The following ME1 variants were observed in gnomAD, a reference collection of about 807,000 sequenced individuals.
ME1 encodes NADP-dependent malic enzyme.
ME1 carries 74 observed loss-of-function variants against 66.4 expected under a neutral mutation model. The ratio of observed to expected loss-of-function variants is 1.11; its 90% CI spans 0.92 to 1.35. The LOEUF is 1.35. Ranked by LOEUF, ME1 falls within the 40% of genes most tolerant of loss-of-function variation. The pLI is 0.00. For missense variants in ME1, 750 were observed against 694.1 expected (o/e 1.08, Z -0.90); for synonymous variants, 251 against 235.6 (o/e 1.07, Z -0.60).
intron 2 of ME1, among the ~76,000 whole-genome samples, chr6:83,402,298 T>C (rs1044677313): frequency 6.6e-6 from 1 of 152,122 alleles, no homozygotes; most frequent in African/African-American, 2.4e-5. Context: ...CCAGGATTCA[T>C]AGGTCTAGGA....
At chr6:83,231,941 T>C (rs995519315) in intron 9 of ME1, among the ~76,000 whole-genome samples, 1 of 152,208 alleles carries the variant, frequency 6.6e-6, no homozygotes, top group African/African-American at 2.4e-5. Flanking sequence ...TCCCTTTATA[T>C]TGTGATGATT....
rs200892092 is a variant in ME1, at chr6:83,430,945, C to T, written c.10G>A (p.Glu4Lys). Reference sequence around the variant, plus strand: ...TGGGTGTGGCGGCGACGGGGGGCTTCGGGCTCCATGGCTGGCGCCGGGTTC... The same window carrying T: ...TGGGTGTGGCGGCGACGGGGGGCTTTGGGCTCCATGGCTGGCGCCGGGTTC... MEP[E>K]APRRRHTHQR... The change falls in exon 1 of 14, where the codon GAA becomes AAA. Residue 4 changes from glutamate (E) to lysine (K), a missense_variant. Transcript: ENST00000369705. 1.3e-6 allele frequency: 2 copies of T among 1,581,164 alleles called. No individual in the cohort carries two copies. The highest frequency in any genetic ancestry group is 1.7e-6 in the Non-Finnish European group (2 of 1,165,634).
At chr6:83,355,481 ATC>A (rs1213427771) in intron 3 of ME1, among the ~76,000 whole-genome samples, 1 of 152,202 alleles carries the variant, frequency 6.6e-6, no homozygotes, top group Non-Finnish European at 1.5e-5. Flanking sequence ...TGTTTATTAT[ATC>A]TGAGTTCAGC....
chr6:83,311,265 C>A (rs543700818), intron 6 of ME1, among the ~76,000 whole-genome samples: 6 of 152,160 alleles, frequency 3.9e-5, no homozygotes, highest in East Asian at 1.9e-4. Flanking sequence ...TTGTATTAGC[C>A]AGGAGAATAC....
chr6:83,301,198 TA>T (rs201835684), intron 6 of ME1, among the ~76,000 whole-genome samples: 5,881 of 151,092 alleles, frequency 0.039, 379 homozygotes, highest in African/African-American at 0.13. Context: ...AGTATAATAA[TA>T]AAAAAAAAGT....
rs74365360 is a variant in ME1, at chr6:83,258,003, G to A, written c.705-4265C>T. Among the ~76,000 whole-genome samples the A allele has an allele frequency of 4.1e-3, 619 of 152,160 alleles. 1 individual carries two copies. The highest frequency in any genetic ancestry group is 7.0e-3 in the Non-Finnish European group (475 of 67,996). On this transcript the variant is annotated intron_variant, in intron 6 of 13. Transcript: ENST00000369705. The stretch of plus-strand genomic sequence containing the variant: ...TCAGAGCCTTCTCAATTCTATTCCC[G>A]GATCTACTACTTACTTGGTTCTGCG...
chr6:83,252,695 G>C (rs767819376), intron 7 of ME1, among the ~76,000 whole-genome samples: 1 of 152,066 alleles, frequency 6.6e-6, no homozygotes, highest in Admixed American at 6.6e-5. Flanking sequence ...ATATACCTAA[G>C]AACATACAGC....
At chr6:83,231,559 A>G (rs1790307184) in intron 9 of ME1, among the ~76,000 whole-genome samples, 1 of 152,244 alleles carries the variant, frequency 6.6e-6, no homozygotes, top group South Asian at 2.1e-4. Context: ...CTGGAATGTG[A>G]CAACCTTTTC....
At chr6:83,248,507 T>C (rs1790662646) in intron 7 of ME1, among the ~76,000 whole-genome samples, 1 of 152,106 alleles carries the variant, frequency 6.6e-6, no homozygotes, top group South Asian at 2.1e-4. Flanking sequence ...TAGCTCTGTG[T>C]CCCCACCCAA....
intron 3 of ME1, among the ~76,000 whole-genome samples, chr6:83,378,515 T>C (rs1769337005): frequency 6.6e-6 from 1 of 152,172 alleles, no homozygotes; most frequent in Admixed American, 6.6e-5. Context: ...AAGTTACATA[T>C]GCCTGTAAAT....
intron 6 of ME1, among the ~76,000 whole-genome samples, chr6:83,272,885 G>A (rs1767110645): frequency 6.6e-6 from 1 of 152,002 alleles, no homozygotes; most frequent in South Asian, 2.1e-4. Flanking sequence ...TTAGAATATA[G>A]GCAAAAGGGC....
At chr6:83,312,794 C>T (rs1767955644) in intron 6 of ME1, among the ~76,000 whole-genome samples, 1 of 151,956 alleles carries the variant, frequency 6.6e-6, no homozygotes, top group Admixed American at 6.6e-5. Flanking sequence ...GCTCTGTTGC[C>T]CAGGCTGGAG....
intron 3 of ME1, among the ~76,000 whole-genome samples, chr6:83,372,665 G>A (rs1024456792): frequency 6.6e-5 from 10 of 152,156 alleles, no homozygotes; most frequent in African/African-American, 1.2e-4. Flanking sequence ...GCCTGCTAAC[G>A]TGTGCTTTAT....
chr6:83,395,802 G>A (rs1201843209), intron 3 of ME1, among the ~76,000 whole-genome samples: 1 of 150,626 alleles, frequency 6.6e-6, no homozygotes, highest in African/African-American at 2.4e-5. Flanking sequence ...GAAATCTAGA[G>A]ACTGGAAGTC....
chr6:83,371,457 T>C (rs1489456410), intron 3 of ME1, among the ~76,000 whole-genome samples: 1 of 152,210 alleles, frequency 6.6e-6, no homozygotes, highest in African/African-American at 2.4e-5. Context: ...TGCTGAAAAC[T>C]GTAGGAATAG....
At chr6:83,212,216 T>C (rs1463809213) in intron 13 of ME1, 122 bp from the exon 14 acceptor site, 1 of 582,658 alleles carries the variant, frequency 1.7e-6, no homozygotes, top group African/African-American at 1.9e-5. Flanking sequence ...ACATTAAGTG[T>C]ATTATAATAA....
intron 6 of ME1, among the ~76,000 whole-genome samples, chr6:83,280,738 GT>G (rs10718658): frequency 0.071 from 10,780 of 152,188 alleles, 464 homozygotes; most frequent in Admixed American, 0.098. Context: ...GTGGAAATGT[GT>G]CAGAATTTTA....
intron 1 of ME1, among the ~76,000 whole-genome samples, chr6:83,423,532 C>T (rs1288000381): frequency 9.2e-5 from 14 of 152,118 alleles, no homozygotes; most frequent in Non-Finnish European, 2.1e-4. Flanking sequence ...GGCACAGTGG[C>T]TCAAATCTGT....
At chr6:83,303,202 A>C (rs1252634266) in intron 6 of ME1, among the ~76,000 whole-genome samples, 4 of 152,198 alleles carry the variant, frequency 2.6e-5, no homozygotes, top group Non-Finnish European at 4.4e-5. Flanking sequence ...TGTTTCAAAA[A>C]AAGAGAGAGT....
Sources: gnomAD v4.1 joint callset for allele counts (sites outside exome capture counted in the v4.1 genomes callset) on GRCh38, gnomAD v4.1.1 for gene constraint, MANE v1.5 for transcripts, NCBI Gene and HGNC (gene_info 2026-07-23, HGNC 2026-07-21) for gene names.